The following ATP8B3 variants were observed in gnomAD, a reference collection of about 807,000 sequenced individuals.
ATP8B3 encodes phospholipid-transporting ATPase IK.
In ATP8B3, 141 loss-of-function variants were observed where a neutral mutation model predicts 140.9. That is an observed-to-expected ratio of 1.00 (90% CI 0.87 to 1.15). The LOEUF (loss-of-function observed/expected upper bound fraction) is 1.15. Ranked by LOEUF, ATP8B3 falls within the 50% of genes most tolerant of loss-of-function variation. ATP8B3 has a pLI of 0.00. For synonymous variants in ATP8B3, 765 were observed against 714.6 expected (o/e 1.07, Z -1.13); for missense variants, 1,874 against 1,740.6 (o/e 1.08, Z -1.36).
Position 1,789,378 on chromosome 19 carries a change from T to C in ATP8B3, c.2828A>G (p.Asp943Gly). The stretch of plus-strand genomic sequence containing the variant: ...CCACCCACTCTTGATCATGTTGATG[T>C]CGTTGGCACCGTCCCCGATGGCCAG... ...VTLAIGDGAN[D>G]INMIKTADVG... The change falls in exon 23 of 29, where the codon GAC becomes GGC. Residue 943 changes from aspartate (D) to glycine (G), a missense_variant. By Grantham distance (94) the Asp-to-Gly change is moderately conservative. Coordinates refer to ENST00000310127, the MANE Select transcript of ATP8B3 (RefSeq NM_138813.4). 2 of 1,565,264 alleles carry C rather than the reference T, an allele frequency of 1.3e-6. No homozygotes were observed. Among genetic ancestry groups the C allele is most frequent in the East Asian group, 2.3e-5 (1 of 43,036 alleles).
chr19:1,789,278 C>T, intron 23 of ATP8B3, 83 bp downstream of exon 23: 1 of 1,396,582 alleles, frequency 7.2e-7, no homozygotes, highest in Non-Finnish European at 9.4e-7. Flanking sequence ...TCACCTGCCC[C>T]AGGTCCCCCC....
chr19:1,796,571 G>A (rs937011291), intron 16 of ATP8B3, 140 bp downstream of exon 16: 34 of 1,142,426 alleles, frequency 3.0e-5, no homozygotes, highest in East Asian at 7.7e-5. Context: ...CTCGAGGTGC[G>A]GCTGGTGTCA....
In ATP8B3 at chr19:1,785,180, G is replaced by C; in HGVS notation, c.3511C>G (p.Pro1171Ala). 6.3e-7 allele frequency: 1 copy of C among 1,592,984 alleles called. No homozygotes were observed. Among genetic ancestry groups the C allele is most frequent in the Non-Finnish European group, 8.5e-7 (1 of 1,170,320 alleles). ...TCACACAGAAACGGGAAGGTCGTGG[G>C]GGATACTCTGAAGAGCCAGAAGCTC... ...TQSFWLFRVS[P>A]TTFPFLYADL... is the part of the protein sequence containing the mutation. Residue 1171 changes from proline (P) to alanine (A), a missense_variant, in exon 27 of 29, where the codon CCC becomes GCC. By Grantham distance (27) the Pro-to-Ala change is conservative. Coordinates refer to ENST00000310127, the MANE Select transcript of ATP8B3 (RefSeq NM_138813.4).
At chr19:1,784,161 C>A (rs531027393) in intron 28 of ATP8B3, among the ~76,000 whole-genome samples, 4 of 152,254 alleles carry the variant, frequency 2.6e-5, no homozygotes, top group South Asian at 4.1e-4. Flanking sequence ...TTGCCTAAAC[C>A]ATTTCAAGGT....
At chr19:1,802,244 A>AT (rs1600459909) in intron 11 of ATP8B3, among the ~76,000 whole-genome samples, 200 bp from the exon 12 acceptor site, 1 of 14,158 alleles carries the variant, frequency 7.1e-5, no homozygotes, top group East Asian at 2.0e-3. Flanking sequence ...CCCATCACTC[A>AT]CCCATCCACC....
At chr19:1,802,066 TCCACCCAC>T (rs777111849) in intron 11 of ATP8B3, 22 bp from the exon 12 acceptor site, 3 of 1,523,854 alleles carry the variant, frequency 2.0e-6, no homozygotes, top group African/African-American at 1.5e-5. Context: ...TATCCATCTA[TCCACCCAC>T]CCACCCACCC....
chr19:1,797,459 C>T (rs76371042), intron 14 of ATP8B3, among the ~76,000 whole-genome samples: 2 of 149,430 alleles, frequency 1.3e-5, no homozygotes, highest in Non-Finnish European at 3.0e-5. Context: ...GGTTTTTGTT[C>T]TTTTTTATTT....
In ATP8B3 at chr19:1,806,622, C is replaced by T; in HGVS notation, c.677+6G>A. On this transcript the variant is annotated splice_donor_region_variant and intron_variant, in intron 7 of 28. Coordinates refer to ENST00000310127, the MANE Select transcript of ATP8B3 (RefSeq NM_138813.4). This position sits in a 1 kb window ranked among gnomAD's most constrained non-coding sequence, Gnocchi z 5.6. ...CGCGGATCCCCAGCTGCAGCCCCAG[C>T]CTCACCTCTTCCCCATCAGAATCTG... is the stretch of plus-strand genomic sequence containing the variant. 1 of 1,556,234 alleles carries T rather than the reference C, an allele frequency of 6.4e-7. No homozygotes were observed. The highest frequency in any genetic ancestry group is 8.7e-7 in the Non-Finnish European group (1 of 1,150,136).
chr19:1,803,083 AG>A (rs577319569), intron 10 of ATP8B3, among the ~76,000 whole-genome samples: 2 of 152,150 alleles, frequency 1.3e-5, no homozygotes, highest in Non-Finnish European at 2.9e-5. Context: ...ATGTGTCAAG[AG>A]GGAAGAGGAG....
chr19:1,796,603 A>G (rs1460651888), intron 16 of ATP8B3, 108 bp downstream of exon 16: 9 of 1,406,742 alleles, frequency 6.4e-6, no homozygotes, highest in Non-Finnish European at 8.5e-6. Context: ...GCGCCCCCCA[A>G]GCCAGCTGAA....
Position 1,782,607 on chromosome 19 carries a change from C to T in ATP8B3, c.*421G>A, listed in dbSNP as rs933355998. The T allele has an allele frequency of 1.2e-5, 3 of 244,830 alleles. No individual in the cohort carries two copies. Among genetic ancestry groups the T allele is most frequent in the African/African-American group, 6.8e-5 (3 of 44,046 alleles). 15.2% of individuals were successfully genotyped at this position (244,830 alleles called of 1,614,324 possible). On this transcript the variant is annotated 3_prime_UTR_variant, in exon 29 of 29. Coordinates refer to ENST00000310127, the MANE Select transcript of ATP8B3 (RefSeq NM_138813.4). ...GGCTTCAAAAATGCTGACTTCTCCT[C>T]CGAGGAGTCTGGCTGGCTCTCCAAC...
At chr19:1,795,565 AAAGAC>A (rs955979524) in intron 18 of ATP8B3, among the ~76,000 whole-genome samples, 15 of 152,094 alleles carry the variant, frequency 9.9e-5, no homozygotes, top group African/African-American at 3.6e-4. Flanking sequence ...AAAAGAAAAG[AAAGAC>A]AAGACAAGAA....
At position 1,800,580 on chromosome 19, in the gene ATP8B3, G is replaced by A. The variant is rs2068816303; in HGVS notation, c.1153-131C>T. On this transcript the variant is annotated intron_variant, in intron 12 of 28. Coordinates refer to ENST00000310127, the MANE Select transcript of ATP8B3 (RefSeq NM_138813.4). This position sits in a 1 kb window ranked among gnomAD's most constrained non-coding sequence, Gnocchi z 4.4. The stretch of plus-strand genomic sequence containing the variant: ...CATGCCTGTAATCTCAGCACTTCAG[G>A]AGGCTAAGGCAGGCGGATGGCTTGA... The A allele has an allele frequency of 3.7e-6, 3 of 819,602 alleles. No homozygotes were observed. Among genetic ancestry groups the A allele is most frequent in the South Asian group, 1.7e-5 (1 of 58,690 alleles). The allele number at this position is 819,602 out of a possible 1,614,324, so 50.8% of individuals were successfully genotyped here.
intron 12 of ATP8B3, among the ~76,000 whole-genome samples, chr19:1,801,580 G>A (rs1030176176): frequency 2.0e-5 from 3 of 151,972 alleles, no homozygotes; most frequent in Non-Finnish European, 4.4e-5. Context: ...GTAAAACTCC[G>A]TCTCTACTAA....
chr19:1,787,728 T>TAAAAAA (rs561418063), intron 24 of ATP8B3, among the ~76,000 whole-genome samples: 5 of 119,724 alleles, frequency 4.2e-5, no homozygotes, highest in Non-Finnish European at 6.8e-5. Flanking sequence ...AAACTCTGTC[T>TAAAAAA]AAAAAAAAAA....
chr19:1,802,406 T>TTGGGGGC, intron 11 of ATP8B3, 81 bp downstream of exon 11: 1 of 421,058 alleles, frequency 2.4e-6, no homozygotes. Flanking sequence ...TCCACCCACC[T>TTGGGGGC]ACCCACCCAC....
In ATP8B3 at chr19:1,788,992, G is replaced by A; in HGVS notation, c.2974C>T (p.Arg992Trp). ...LLVHGRWSYV[R>W]ICKFLRYFFY... ...AAGTAGCGCAGGAACTTGCAGATCC[G>A]CACGTAGGACCAGCGGCCGTGCACC... The change falls in exon 24 of 29, where the codon CGG becomes TGG. Residue 992 changes from arginine to tryptophan, a missense_variant. Physicochemically the swap from Arg to Trp is moderately radical, Grantham distance 101. Coordinates refer to ENST00000310127, the MANE Select transcript of ATP8B3 (RefSeq NM_138813.4). The A allele has an allele frequency of 6.2e-7, 1 of 1,610,376 alleles. No individual in the cohort carries two copies. Among genetic ancestry groups the A allele is most frequent in the Non-Finnish European group, 8.5e-7 (1 of 1,178,708 alleles).
chr19:1,784,574 T>C (rs1405592112), intron 28 of ATP8B3, among the ~76,000 whole-genome samples: 14 of 152,166 alleles, frequency 9.2e-5, no homozygotes, highest in Admixed American at 9.2e-4. Flanking sequence ...AGCACTGGAA[T>C]CCAGGGCGGC....
chr19:1,790,311 CACTG>C, intron 21 of ATP8B3, among the ~76,000 whole-genome samples: 1 of 13,630 alleles, frequency 7.3e-5, no homozygotes, highest in Admixed American at 4.7e-4. Context: ...CCCCTCCCTC[CACTG>C]CCCCTCCCCT....
Sources: allele counts gnomAD v4.1 joint callset (sites outside exome capture counted in the v4.1 genomes callset), GRCh38; gene constraint gnomAD v4.1.1; non-coding constraint Gnocchi (gnomAD v3.1); transcripts MANE v1.5; gene names NCBI Gene and HGNC (gene_info 2026-07-23, HGNC 2026-07-21).